The following ELOVL6 variants were observed in gnomAD, a reference collection of about 807,000 sequenced individuals.
ELOVL6 encodes ELOVL fatty acid elongase 6, also known as very long chain fatty acid elongase 6.
ELOVL6 carries 8 observed loss-of-function variants against 31.7 expected under a neutral mutation model. That is an observed-to-expected ratio of 0.25 (90% CI 0.15 to 0.45). The LOEUF (loss-of-function observed/expected upper bound fraction) is 0.45, where lower values mean the gene tolerates loss of function less well. Ranked by LOEUF, ELOVL6 falls within the 20% of genes least tolerant of loss-of-function variation. The pLI, the probability that ELOVL6 is intolerant of heterozygous loss-of-function variation, is 1.00. For missense variants in ELOVL6, 126 were observed against 326.4 expected (o/e 0.39, Z 4.73); for synonymous variants, 101 against 117.7 (o/e 0.86, Z 0.92).
intron 2 of ELOVL6, among the ~76,000 whole-genome samples, chr4:110,090,600 CTT>C (rs544234717): frequency 3.6e-4 from 37 of 103,712 alleles, no homozygotes; most frequent in African/African-American, 1.2e-3. Flanking sequence ...GTTTGACTTT[CTT>C]TTTTTTTTTT....
In ELOVL6 at chr4:110,048,327, G is replaced by A. The variant is rs973855661; in HGVS notation, c.*3011C>T. On this transcript the variant is annotated 3_prime_UTR_variant, in exon 4 of 4. Transcript: ENST00000302274. Reference sequence around the variant, plus strand: ...TTTATGAATAGAGCATTTCTCACTAGAACTTCATTGCAAACTCATGGACTT... The same window carrying A: ...TTTATGAATAGAGCATTTCTCACTAAAACTTCATTGCAAACTCATGGACTT... 6.6e-6 allele frequency: 1 copy of A among 152,184 alleles called. No homozygotes were observed. The highest frequency in any genetic ancestry group is 6.5e-5 in the Admixed American group (1 of 15,276). The allele number at this position is 152,184 out of a possible 1,614,324, so 9.4% of individuals were successfully genotyped here. A position where few individuals can be genotyped will look rare whatever the true frequency, so the allele number is the denominator to read the frequency against.
chr4:110,149,530 G>A (rs964667465), intron 1 of ELOVL6, among the ~76,000 whole-genome samples: 1 of 152,156 alleles, frequency 6.6e-6, no homozygotes, highest in Non-Finnish European at 1.5e-5. Flanking sequence ...TTCAGACACA[G>A]ACAAATACCA....
At chr4:110,090,604 T>C (rs1407185303) in intron 2 of ELOVL6, among the ~76,000 whole-genome samples, 11 of 139,576 alleles carry the variant, frequency 7.9e-5, no homozygotes, top group Non-Finnish European at 1.2e-4. Context: ...GACTTTCTTT[T>C]TTTTTTTTTT....
At chr4:110,078,379 A>C (rs961652337) in intron 2 of ELOVL6, among the ~76,000 whole-genome samples, 10 of 152,360 alleles carry the variant, frequency 6.6e-5, no homozygotes, top group African/African-American at 2.2e-4. Context: ...CATGAGACTA[A>C]CAGCTGACCT....
At chr4:110,142,974 T>C (rs759201372) in intron 1 of ELOVL6, among the ~76,000 whole-genome samples, 34 of 152,298 alleles carry the variant, frequency 2.2e-4, no homozygotes, top group Middle Eastern at 3.4e-3. Flanking sequence ...ACGTAAGGAA[T>C]GGCCCTTTGC....
intron 1 of ELOVL6, among the ~76,000 whole-genome samples, chr4:110,159,339 A>C (rs1255738528): frequency 1.3e-5 from 2 of 152,334 alleles, no homozygotes; most frequent in East Asian, 3.9e-4. Context: ...AATATATGAG[A>C]GGACAATGAT....
intron 2 of ELOVL6, among the ~76,000 whole-genome samples, chr4:110,076,875 T>C (rs950953431): frequency 6.6e-6 from 1 of 152,092 alleles, no homozygotes; most frequent in Non-Finnish European, 1.5e-5. Context: ...GAAAATCGGG[T>C]CACTCCCACC....
intron 2 of ELOVL6, among the ~76,000 whole-genome samples, chr4:110,065,497 AC>A (rs2126224665): frequency 6.6e-6 from 1 of 152,248 alleles, no homozygotes; most frequent in East Asian, 1.9e-4. Flanking sequence ...AGTGGTGCAC[AC>A]CTGTAGTCCC....
chr4:110,059,562 T>C, intron 3 of ELOVL6, 41 bp downstream of exon 3: 1 of 1,587,582 alleles, frequency 6.3e-7, no homozygotes, highest in Non-Finnish European at 8.6e-7. Context: ...GTGGATATGT[T>C]GCTACAAAGA....
chr4:110,153,786 G>T (rs1269327993), intron 1 of ELOVL6, among the ~76,000 whole-genome samples: 1 of 152,148 alleles, frequency 6.6e-6, no homozygotes, highest in Non-Finnish European at 1.5e-5. Flanking sequence ...TTTAAAGTAG[G>T]ATCCACAGAG....
chr4:110,108,705 G>A (rs1447049742), intron 1 of ELOVL6, among the ~76,000 whole-genome samples: 1 of 152,216 alleles, frequency 6.6e-6, no homozygotes, highest in African/African-American at 2.4e-5. Context: ...ACATTGTCAT[G>A]GCTGTGGTCA....
chr4:110,084,184 A>C (rs1192233891), intron 2 of ELOVL6, among the ~76,000 whole-genome samples: 3 of 97,632 alleles, frequency 3.1e-5, no homozygotes, highest in Non-Finnish European at 4.1e-5. Flanking sequence ...TGATATATAT[A>C]ACATATAACT....
At chr4:110,073,928 A>C (rs1489906637) in intron 2 of ELOVL6, among the ~76,000 whole-genome samples, 1 of 152,204 alleles carries the variant, frequency 6.6e-6, no homozygotes, top group Non-Finnish European at 1.5e-5. Context: ...TAGGTTACAA[A>C]ATACAGATTT....
chr4:110,118,762 TAC>T (rs1418055845), intron 1 of ELOVL6, among the ~76,000 whole-genome samples: 1 of 152,192 alleles, frequency 6.6e-6, no homozygotes, highest in East Asian at 1.9e-4. Context: ...TTCTATGACA[TAC>T]ACTTTAAAAA....
chr4:110,062,626 C>T lies in ELOVL6; in HGVS notation c.222-2872G>A, dbSNP rs998814876. 2.0e-5 allele frequency among the ~76,000 whole-genome samples: 3 copies of T among 152,314 alleles called. No homozygotes were observed. The East Asian group carries it at 5.8e-4, about 29-fold the overall frequency. ...CAAGTTACATTAGCTTGAGAGGCAG[C>T]GTGATGCAGCAGGCAAATATGCTGC... On this transcript the variant is annotated intron_variant, in intron 2 of 3. Transcript: ENST00000302274.
At chr4:110,124,196 G>A (rs1757431366) in intron 1 of ELOVL6, among the ~76,000 whole-genome samples, 2 of 152,116 alleles carry the variant, frequency 1.3e-5, no homozygotes, top group Admixed American at 1.3e-4. Flanking sequence ...TCCCACTACT[G>A]GGTATATACC....
At chr4:110,154,294 C>T (rs969978074) in intron 1 of ELOVL6, among the ~76,000 whole-genome samples, 2 of 152,078 alleles carry the variant, frequency 1.3e-5, no homozygotes, top group Non-Finnish European at 2.9e-5. Flanking sequence ...CTCACTGTAT[C>T]TCCCAGGCTG....
chr4:110,140,548 C>A (rs2126261019), intron 1 of ELOVL6, among the ~76,000 whole-genome samples: 1 of 152,138 alleles, frequency 6.6e-6, no homozygotes, highest in East Asian at 1.9e-4. Context: ...CGTCATGCCA[C>A]CATGCTTCTT....
chr4:110,178,777 C>T (rs1759190754), intron 1 of ELOVL6, among the ~76,000 whole-genome samples: 1 of 152,168 alleles, frequency 6.6e-6, no homozygotes, highest in African/African-American at 2.4e-5. Context: ...TCACTTGAGC[C>T]AGAAGACTGA....
Sources: allele counts gnomAD v4.1 joint callset (sites outside exome capture counted in the v4.1 genomes callset), GRCh38; gene constraint gnomAD v4.1.1; transcripts MANE v1.5; gene names NCBI Gene and HGNC (gene_info 2026-07-23, HGNC 2026-07-21).